Variants in SAMTOR observed in about 807,000 individuals in gnomAD.
SAMTOR encodes the protein UPF0532 protein C7orf60.
chr7:112,821,152 G>A, the SAMTOR span: 1 of 152,362 alleles, frequency 6.6e-6, no homozygotes, highest in African/African-American at 2.4e-5. Context: ...GCTGTCAAAT[G>A]AGCTTTTAAT....
At chr7:112,856,502 G>A in the SAMTOR span, among the ~76,000 whole-genome samples, 4 of 152,002 alleles carry the variant, frequency 2.6e-5, no homozygotes, top group Admixed American at 1.3e-4. Context: ...TACCTGCCTC[G>A]GCCTCCCAAA....
At chr7:112,908,663 G>A in the SAMTOR span, among the ~76,000 whole-genome samples, 5 of 152,108 alleles carry the variant, frequency 3.3e-5, no homozygotes, top group African/African-American at 2.4e-5. Flanking sequence ...ATAAGAAAGG[G>A]TGGATATATG....
the SAMTOR span, among the ~76,000 whole-genome samples, chr7:112,931,315 A>C: frequency 1.7e-4 from 26 of 151,836 alleles, no homozygotes; most frequent in Non-Finnish European, 2.9e-4. Flanking sequence ...CAAAAAAAAA[A>C]ACACAACAAA....
the SAMTOR span, among the ~76,000 whole-genome samples, chr7:112,859,226 ATCTC>A: frequency 6.6e-6 from 1 of 152,168 alleles, no homozygotes; most frequent in Non-Finnish European, 1.5e-5. Flanking sequence ...ATAAGTTTCT[ATCTC>A]TATATATACA....
chr7:112,881,227 A>G, the SAMTOR span, among the ~76,000 whole-genome samples: 152 of 152,296 alleles, frequency 1.0e-3, no homozygotes, highest in African/African-American at 3.6e-3. Context: ...GACTTTGGGC[A>G]CTGACGAGCA....
chr7:112,895,559 G>C, the SAMTOR span: 2 of 1,514,436 alleles, frequency 1.3e-6, no homozygotes, highest in African/African-American at 1.4e-5. Context: ...AGTAGAAAAA[G>C]TATACTTACT....
At chr7:112,868,618 G>T in the SAMTOR span, among the ~76,000 whole-genome samples, 1 of 152,174 alleles carries the variant, frequency 6.6e-6, no homozygotes, top group East Asian at 1.9e-4. Context: ...ACTGAGAGGA[G>T]GACACCATTT....
chr7:112,885,235 G>C, the SAMTOR span, among the ~76,000 whole-genome samples: 1 of 152,140 alleles, frequency 6.6e-6, no homozygotes, highest in East Asian at 1.9e-4. Flanking sequence ...GTGATGAGAG[G>C]GGCTGCTGTG....
At chr7:112,871,469 C>T in the SAMTOR span, among the ~76,000 whole-genome samples, 1 of 151,996 alleles carries the variant, frequency 6.6e-6, no homozygotes, top group African/African-American at 2.4e-5. Flanking sequence ...CTATTTGAAA[C>T]AAATGAAAAT....
At chr7:112,895,686 T>C in the SAMTOR span, 4 of 1,582,840 alleles carry the variant, frequency 2.5e-6, no homozygotes, top group Non-Finnish European at 3.5e-6. Flanking sequence ...TCTTTTTTCA[T>C]CTTTCTCAAG....
chr7:112,821,883 C>T, the SAMTOR span: 2 of 1,613,412 alleles, frequency 1.2e-6, no homozygotes, highest in Non-Finnish European at 8.5e-7. Context: ...TATATCTGAT[C>T]GAACATAGCA....
At chr7:112,865,444 A>AT in the SAMTOR span, among the ~76,000 whole-genome samples, 2 of 151,828 alleles carry the variant, frequency 1.3e-5, no homozygotes, top group East Asian at 3.9e-4. Context: ...TACCCAGCTA[A>AT]TTTTTGTATT....
the SAMTOR span, among the ~76,000 whole-genome samples, chr7:112,845,771 G>A: frequency 8.5e-5 from 13 of 152,154 alleles, no homozygotes; most frequent in African/African-American, 3.1e-4. Flanking sequence ...TTACCATAAA[G>A]ACACATGCAC....
At chr7:112,884,944 T>G in the SAMTOR span, among the ~76,000 whole-genome samples, 1 of 152,230 alleles carries the variant, frequency 6.6e-6, no homozygotes, top group Non-Finnish European at 1.5e-5. Flanking sequence ...CATTCAGATG[T>G]TTCATACATC....
At chr7:112,875,106 G>A in the SAMTOR span, among the ~76,000 whole-genome samples, 1 of 152,148 alleles carries the variant, frequency 6.6e-6, no homozygotes, top group Admixed American at 6.5e-5. Flanking sequence ...GGTGTCACCT[G>A]ACTGCAAGAT....
At chr7:112,849,759 T>C in the SAMTOR span, among the ~76,000 whole-genome samples, 1 of 152,242 alleles carries the variant, frequency 6.6e-6, no homozygotes, top group Non-Finnish European at 1.5e-5. Flanking sequence ...TTTATTATTC[T>C]GAGGTATGTT....
chr7:112,897,164 G>A, the SAMTOR span, among the ~76,000 whole-genome samples: 1 of 152,154 alleles, frequency 6.6e-6, no homozygotes, highest in Non-Finnish European at 1.5e-5. Context: ...GCCTGGGATA[G>A]GGTGTGGGGA....
At chr7:112,929,713 CTG>C in the SAMTOR span, among the ~76,000 whole-genome samples, 1 of 151,850 alleles carries the variant, frequency 6.6e-6, no homozygotes, top group Non-Finnish European at 1.5e-5. Context: ...ACATGTGAGA[CTG>C]AGAGTATAGA....
the SAMTOR span, among the ~76,000 whole-genome samples, chr7:112,871,019 C>T: frequency 6.6e-6 from 1 of 152,144 alleles, no homozygotes. Context: ...TTGGAGCATG[C>T]AGATTCATAA....
Sources: gnomAD v4.1 joint callset for allele counts (sites outside exome capture counted in the v4.1 genomes callset) on GRCh38, gnomAD v4.1.1 for gene constraint, MANE v1.5 for transcripts, NCBI Gene and HGNC (gene_info 2026-07-23, HGNC 2026-07-21) for gene names.